Variants in TM4SF19 observed in about 807,000 individuals in gnomAD.
TM4SF19 encodes transmembrane 4 L6 family member 19.
In TM4SF19, 17 loss-of-function variants were observed where a neutral mutation model predicts 21.8. The ratio of observed to expected loss-of-function variants is 0.78; its 90% CI spans 0.53 to 1.17. The LOEUF (loss-of-function observed/expected upper bound fraction) is 1.17, where lower values mean the gene tolerates loss of function less well. Among genes scored for constraint, TM4SF19 ranks in the 50% most tolerant of loss-of-function variants. TM4SF19 has a pLI of 0.00. For missense variants in TM4SF19, 216 were observed against 252.1 expected (o/e 0.86, Z 0.97); for synonymous variants, 107 against 106.7 (o/e 1.00, Z -0.02).
At chr3:196,324,635 A>C (rs1560200673) in intron 3 of TM4SF19, 195 bp from the exon 4 acceptor site, 8 of 602,776 alleles carry the variant, frequency 1.3e-5, no homozygotes, top group Non-Finnish European at 2.4e-5. Context: ...ACCCCCTTTG[A>C]AGCATAACCC....
Position 196,324,254 on chromosome 3 carries a change from A to G in TM4SF19, c.449+17T>C. ...TCTCTGTCTGAAAAGACCAAGCCCAAGCCTCCACCCATTTACCTACTATGC... is the reference window on the plus strand; with the variant it reads ...TCTCTGTCTGAAAAGACCAAGCCCAGGCCTCCACCCATTTACCTACTATGC... On this transcript the variant is annotated intron_variant, in intron 4 of 4. Transcript: ENST00000273695. 6.2e-7 allele frequency: 1 copy of G among 1,612,926 alleles called. No homozygotes were observed. The highest frequency in any genetic ancestry group is 8.5e-7 in the Non-Finnish European group (1 of 1,179,484).
At chr3:196,324,230 C>T in intron 4 of TM4SF19, 41 bp downstream of exon 4, 1 of 1,586,492 alleles carries the variant, frequency 6.3e-7, no homozygotes, top group Non-Finnish European at 8.6e-7. Context: ...CTCTCTCTCT[C>T]TCTGTCTGAA....
intron 1 of TM4SF19, among the ~76,000 whole-genome samples, chr3:196,337,119 C>T (rs1056470322): frequency 1.5e-5 from 2 of 129,970 alleles, no homozygotes; most frequent in Non-Finnish European, 3.1e-5. Context: ...TGGAGTGCAG[C>T]GGCATGCTCT....
In TM4SF19 at chr3:196,327,170, G is replaced by T. The variant is rs1004428660; in HGVS notation, c.202-138C>A. 7.4e-6 allele frequency: 6 copies of T among 805,910 alleles called. No homozygotes were observed. The East Asian group carries it at 1.6e-4, about 22-fold the overall frequency. 49.9% of individuals were successfully genotyped at this position (805,910 alleles called of 1,614,324 possible). A position where few individuals can be genotyped will look rare whatever the true frequency, so the allele number is the denominator to read the frequency against. ...ACTCTGACTCTGGGGACCCACATTT[G>T]TATGACGAGCCTGATCTAACGCTGT... is the stretch of plus-strand genomic sequence containing the variant. On this transcript the variant is annotated intron_variant, in intron 2 of 4. Transcript: ENST00000273695.
intron 1 of TM4SF19, among the ~76,000 whole-genome samples, chr3:196,328,368 A>C (rs1727389531): frequency 6.6e-6 from 1 of 152,188 alleles, no homozygotes; most frequent in Non-Finnish European, 1.5e-5. Flanking sequence ...AAAATCCTAA[A>C]GTTTATTAGA....
intron 1 of TM4SF19, among the ~76,000 whole-genome samples, chr3:196,331,588 G>A (rs1000928995): frequency 1.1e-4 from 16 of 151,440 alleles, no homozygotes; most frequent in Non-Finnish European, 1.2e-4. Context: ...AGGAGTTCAA[G>A]ACCAGCCTGG....
Position 196,327,032 on chromosome 3 carries a change from C to A in TM4SF19, c.202G>T (p.Val68Leu), listed in dbSNP as rs150423371. The A allele has an allele frequency of 2.3e-4, 371 of 1,601,046 alleles. No individual in the cohort carries two copies. In the Middle Eastern group the frequency reaches 3.5e-3, roughly 15 times the overall value. Residue 68 changes from valine (V) to leucine (L), a missense_variant and splice_region_variant, in exon 3 of 5, where the codon GTA becomes TTA. By Grantham distance (32) the Val-to-Leu change is conservative. Coordinates refer to ENST00000273695, the MANE Select transcript of TM4SF19 (RefSeq NM_138461.4). ...GTGLWGGGLM[V>L]LTAAILISLM... is the part of the protein sequence containing the mutation. Reference sequence around the variant, plus strand: ...GAGATGAGGATAGCTGCAGTGAGTACCTGCAGGAGAGAGAAGAATGTTGAG... The same window carrying A: ...GAGATGAGGATAGCTGCAGTGAGTAACTGCAGGAGAGAGAAGAATGTTGAG...
chr3:196,327,989 C>T (rs6777819), intron 1 of TM4SF19, among the ~76,000 whole-genome samples: 86,283 of 152,054 alleles, frequency 0.57, 25,102 homozygotes, highest in East Asian at 0.9. Flanking sequence ...GCAAAAGCCA[C>T]ACAGATAGGA....
Position 196,327,447 on chromosome 3 carries a change from C to G in TM4SF19, c.144G>C (p.Arg48Ser). 1 of 1,614,168 alleles carries G rather than the reference C, an allele frequency of 6.2e-7. No homozygotes were observed. The highest frequency in any genetic ancestry group is 2.2e-5 in the East Asian group (1 of 44,882). Residue 48 changes from arginine (R) to serine (S), a missense_variant, in exon 2 of 5, where the codon AGG (arginine) becomes AGC (serine). Coordinates refer to ENST00000273695, the MANE Select transcript of TM4SF19 (RefSeq NM_138461.4). ...GCATGGCATGCCTGCCAAGGAGGCCCCTCAACAGGTAGGTGACATCCCAGT... is the reference window on the plus strand; with the variant it reads ...GCATGGCATGCCTGCCAAGGAGGCCGCTCAACAGGTAGGTGACATCCCAGT... Reference protein sequence around the residue: ...LPNWDVTYLLRGLLGRHAMLG... With the variant: ...LPNWDVTYLLSGLLGRHAMLG...
At chr3:196,326,668 G>C (rs1312526709) in intron 3 of TM4SF19, among the ~76,000 whole-genome samples, 1 of 152,194 alleles carries the variant, frequency 6.6e-6, no homozygotes, top group Non-Finnish European at 1.5e-5. Flanking sequence ...CACCCTAAGA[G>C]AGTAACAGTT....
intron 4 of TM4SF19, 68 bp from the exon 5 acceptor site, chr3:196,324,065 T>A: frequency 1.9e-6 from 3 of 1,573,454 alleles, no homozygotes; most frequent in Non-Finnish European, 2.6e-6. Flanking sequence ...GCAACCCCAG[T>A]AGAAAACTGG....
intron 3 of TM4SF19, chr3:196,324,768 T>C (rs1000803125): frequency 7.2e-6 from 2 of 276,308 alleles, no homozygotes; most frequent in Non-Finnish European, 1.4e-5. Flanking sequence ...CACAAACCTT[T>C]TGCACATTAC....
Position 196,327,396 on chromosome 3 carries a change from G to T in TM4SF19, c.195C>A (p.Gly65=). Residue 65 remains glycine, a synonymous_variant, in exon 2 of 5, where the codon GGC becomes GGA. Transcript: ENST00000273695. ...AMLGTGLWGG[G]LMVLTAAILI... is the part of the protein sequence containing the mutation. The stretch of plus-strand genomic sequence containing the variant: ...GGGAACCCCGGACACTTACCATGAG[G>T]CCTCCTCCCCAGAGCCCAGTTCCCA... 1.2e-6 allele frequency: 2 copies of T among 1,613,834 alleles called. No individual in the cohort carries two copies. The highest frequency in any genetic ancestry group is 1.7e-6 in the Non-Finnish European group (2 of 1,179,816).
chr3:196,330,003 C>G (rs1727444411), intron 1 of TM4SF19, among the ~76,000 whole-genome samples: 1 of 149,880 alleles, frequency 6.7e-6, no homozygotes, highest in Non-Finnish European at 1.5e-5. Flanking sequence ...TCCCAAGTAG[C>G]TGGGACTACA....
intron 1 of TM4SF19, among the ~76,000 whole-genome samples, chr3:196,331,284 A>AAC (rs1553845564): frequency 6.7e-6 from 1 of 149,076 alleles, no homozygotes; most frequent in East Asian, 1.9e-4. Context: ...CTAAAAAAAA[A>AAC]ATATATATAT....
intron 1 of TM4SF19, among the ~76,000 whole-genome samples, chr3:196,327,986 C>T (rs2108807475): frequency 6.6e-6 from 1 of 152,222 alleles, no homozygotes; most frequent in South Asian, 2.1e-4. Flanking sequence ...GAAGCAAAAG[C>T]CACACAGATA....
chr3:196,323,622 A>G lies in TM4SF19; in HGVS notation c.*195T>C. ...ACTTAGTTATTTATCCTATCCATGG[A>G]TCACCTGGAAGTTTACAATGTGATT... On this transcript the variant is annotated 3_prime_UTR_variant, in exon 5 of 5. Transcript: ENST00000273695. 9.6e-7 allele frequency: 1 copy of G among 1,038,044 alleles called. No individual in the cohort carries two copies. The allele number at this position is 1,038,044 out of a possible 1,614,324, so 64.3% of individuals were successfully genotyped here.
At chr3:196,334,307 C>T (rs1338164065) in intron 1 of TM4SF19, among the ~76,000 whole-genome samples, 7 of 152,016 alleles carry the variant, frequency 4.6e-5, no homozygotes, top group African/African-American at 1.7e-4. Context: ...GACTTAGGAA[C>T]TCAGAATTGT....
Position 196,327,558 on chromosome 3 carries a change from T to C in TM4SF19, c.33A>G (p.Ser11=). The change falls in exon 2 of 5, where the codon TCA becomes TCG. Residue 11 remains serine, a synonymous_variant. Transcript: ENST00000273695. The part of the protein sequence containing the change: MVSSPCTQAS[S]RTCSRILGLS... Reference sequence around the variant, plus strand: ...GTCCCAGGATACGGGAGCAAGTCCGTGAGCTTGCCTGCGTGCAGGGAGAGG... The same window carrying C: ...GTCCCAGGATACGGGAGCAAGTCCGCGAGCTTGCCTGCGTGCAGGGAGAGG... 1 of 1,613,768 alleles carries C rather than the reference T, an allele frequency of 6.2e-7. No individual in the cohort carries two copies. Among genetic ancestry groups the C allele is most frequent in the Non-Finnish European group, 8.5e-7 (1 of 1,179,900 alleles).
Sources: gnomAD v4.1 joint callset for allele counts (sites outside exome capture counted in the v4.1 genomes callset) on GRCh38, gnomAD v4.1.1 for gene constraint, MANE v1.5 for transcripts, NCBI Gene and HGNC (gene_info 2026-07-23, HGNC 2026-07-21) for gene names.